The following ADCY2 variants were observed in gnomAD, a reference collection of about 807,000 sequenced individuals.
ADCY2 encodes adenylate cyclase 2, also known as adenylate cyclase type 2.
ADCY2 carries 31 observed loss-of-function variants against 125.2 expected under a neutral mutation model. The ratio of observed to expected loss-of-function variants is 0.25; its 90% CI spans 0.19 to 0.33. ADCY2 has a LOEUF of 0.33. Ranked by LOEUF, ADCY2 falls within the 10% of genes least tolerant of loss-of-function variation. The probability of loss-of-function intolerance (pLI) is 1.00; values close to 1 mark genes in which losing one functional copy is unlikely to be tolerated. For synonymous variants in ADCY2, 512 were observed against 548.4 expected (o/e 0.93, Z 0.93); for missense variants, 904 against 1,418.2 (o/e 0.64, Z 5.82).
intron 3 of ADCY2, among the ~76,000 whole-genome samples, chr5:7,561,773 G>T (rs899007180): frequency 6.6e-6 from 1 of 152,152 alleles, no homozygotes; most frequent in African/African-American, 2.4e-5. Flanking sequence ...TCTGTTTTAG[G>T]AATAAACTGT....
intron 22 of ADCY2, among the ~76,000 whole-genome samples, chr5:7,810,641 C>G (rs1407509086): frequency 6.6e-6 from 1 of 151,672 alleles, no homozygotes; most frequent in Non-Finnish European, 1.5e-5. Context: ...AGTGGGTTAT[C>G]TACCTGAGTT....
chr5:7,677,731 C>A (rs995236353), intron 4 of ADCY2, among the ~76,000 whole-genome samples: 2 of 152,282 alleles, frequency 1.3e-5, no homozygotes, highest in African/African-American at 4.8e-5. Flanking sequence ...CAGGAGGACC[C>A]AGTACCTAGC....
At chr5:7,409,651 G>A (rs1228643699) in intron 1 of ADCY2, among the ~76,000 whole-genome samples, 2 of 152,178 alleles carry the variant, frequency 1.3e-5, no homozygotes, top group African/African-American at 4.8e-5. Context: ...GTTGCATGTG[G>A]AATTCTGTAT....
chr5:7,444,465 A>G (rs1741154713), intron 2 of ADCY2, among the ~76,000 whole-genome samples: 2 of 151,902 alleles, frequency 1.3e-5, no homozygotes, highest in South Asian at 2.1e-4. Context: ...AGGATATTCT[A>G]TAGCTAACAC....
At chr5:7,818,216 T>A (rs1433813523) in intron 23 of ADCY2, among the ~76,000 whole-genome samples, 1 of 152,198 alleles carries the variant, frequency 6.6e-6, no homozygotes, top group African/African-American at 2.4e-5. Context: ...TTTAAAGCCA[T>A]TTTCTTCCTT....
intron 4 of ADCY2, among the ~76,000 whole-genome samples, chr5:7,686,494 C>A (rs1186435748): frequency 1.3e-5 from 2 of 152,116 alleles, no homozygotes; most frequent in South Asian, 2.1e-4. Flanking sequence ...AATCAGATAA[C>A]CTTTGAATAT....
At chr5:7,541,188 G>A (rs749832917) in intron 3 of ADCY2, among the ~76,000 whole-genome samples, 4 of 152,174 alleles carry the variant, frequency 2.6e-5, no homozygotes, top group Non-Finnish European at 5.9e-5. Flanking sequence ...TTAAAAGACC[G>A]TTGAGATATT....
chr5:7,784,566 A>G (rs1560991132), intron 19 of ADCY2, 117 bp downstream of exon 19: 3 of 695,642 alleles, frequency 4.3e-6, no homozygotes, highest in South Asian at 2.1e-5. Flanking sequence ...AATTAGAATC[A>G]TCTTATCACT....
chr5:7,561,065 G>A (rs185494219), intron 3 of ADCY2, among the ~76,000 whole-genome samples: 5 of 152,198 alleles, frequency 3.3e-5, no homozygotes, highest in Middle Eastern at 3.4e-3. Flanking sequence ...ACTTTTAACC[G>A]TTCATAAGGA....
chr5:7,528,871 T>TA (rs1200614817), intron 3 of ADCY2, among the ~76,000 whole-genome samples: 1 of 152,192 alleles, frequency 6.6e-6, no homozygotes, highest in Non-Finnish European at 1.5e-5. Context: ...ATACTAATTC[T>TA]AGGCATCTAT....
rs114195945 is a variant in ADCY2 at position 7,769,001 on chromosome 5, G to A, written c.2214+2195G>A. ...TTTTGTGAGTGTGTGCCAAACAGGCGTCATTTCTCTCAAACCCTATGTTAT... is the reference window on the plus strand; with the variant it reads ...TTTTGTGAGTGTGTGCCAAACAGGCATCATTTCTCTCAAACCCTATGTTAT... On this transcript the variant is annotated intron_variant, in intron 17 of 24. Coordinates refer to ENST00000338316, the MANE Select transcript of ADCY2 (RefSeq NM_020546.3). Among the ~76,000 whole-genome samples, 650 of 152,274 alleles carry A rather than the reference G, an allele frequency of 4.3e-3. 5 individuals are homozygous for A. The highest frequency in any genetic ancestry group is 0.015 in the African/African-American group (609 of 41,550).
At chr5:7,664,761 T>C (rs1739656165) in intron 4 of ADCY2, among the ~76,000 whole-genome samples, 1 of 152,176 alleles carries the variant, frequency 6.6e-6, no homozygotes, top group Non-Finnish European at 1.5e-5. Flanking sequence ...AATCATCAAC[T>C]AAGAGACAGG....
intron 4 of ADCY2, among the ~76,000 whole-genome samples, chr5:7,665,237 T>A (rs1241278162): frequency 2.6e-5 from 4 of 152,178 alleles, no homozygotes; most frequent in Admixed American, 1.3e-4. Flanking sequence ...TGTCCTTTCC[T>A]TCCCTTCTTT....
At position 7,802,141 on chromosome 5, in the gene ADCY2, C is replaced by T. The variant is rs1397757767; in HGVS notation, c.2629-77C>T. 12 of 1,528,982 alleles carry T rather than the reference C, an allele frequency of 7.8e-6. No individual in the cohort carries two copies. Among genetic ancestry groups the T allele is most frequent in the Non-Finnish European group, 1.1e-5 (12 of 1,129,072 alleles). The allele number at this position is 1,528,982 out of a possible 1,614,324, so 94.7% of individuals were successfully genotyped here. A position where few individuals can be genotyped will look rare whatever the true frequency, so the allele number is the denominator to read the frequency against. Reference sequence around the variant, plus strand: ...ATGTCTGTGTGAATCCTGGCATAAACAAGCCACTTGCCTGTGGAGTGTTTC... The same window carrying T: ...ATGTCTGTGTGAATCCTGGCATAAATAAGCCACTTGCCTGTGGAGTGTTTC... On this transcript the variant is annotated intron_variant, in intron 20 of 24. Transcript: ENST00000338316. This position sits in a 1 kb window ranked among gnomAD's most constrained non-coding sequence, Gnocchi z 4.6.
At chr5:7,451,101 C>A (rs1741453747) in intron 2 of ADCY2, among the ~76,000 whole-genome samples, 1 of 152,146 alleles carries the variant, frequency 6.6e-6, no homozygotes, top group Admixed American at 6.5e-5. Flanking sequence ...TGTTCTGCAG[C>A]CTATGAATCA....
At chr5:7,801,331 G>T (rs1037517081) in intron 20 of ADCY2, 1 of 152,408 alleles carries the variant, frequency 6.6e-6, no homozygotes, top group Admixed American at 6.5e-5. Flanking sequence ...TCCCCTCAGA[G>T]GTCAGCCATC....
At chr5:7,771,357 A>G (rs1194056679) in intron 17 of ADCY2, among the ~76,000 whole-genome samples, 5 of 152,182 alleles carry the variant, frequency 3.3e-5, no homozygotes, top group African/African-American at 1.2e-4. Context: ...ACATCGGGCA[A>G]TTGCAGCTAA....
chr5:7,468,053 T>A (rs1296495069), intron 2 of ADCY2, among the ~76,000 whole-genome samples: 1 of 152,238 alleles, frequency 6.6e-6, no homozygotes, highest in East Asian at 1.9e-4. Context: ...ATGCGTGATC[T>A]GTGTGTGGTA....
At chr5:7,712,041 G>A (rs1039671298) in intron 10 of ADCY2, among the ~76,000 whole-genome samples, 1 of 152,140 alleles carries the variant, frequency 6.6e-6, no homozygotes, top group Non-Finnish European at 1.5e-5. Flanking sequence ...AACATTGATA[G>A]AGCTCTTGAA....
Sources: allele counts gnomAD v4.1 joint callset (sites outside exome capture counted in the v4.1 genomes callset), GRCh38; gene constraint gnomAD v4.1.1; non-coding constraint Gnocchi (gnomAD v3.1); transcripts MANE v1.5; gene names NCBI Gene and HGNC (gene_info 2026-07-23, HGNC 2026-07-21).